CNTNAP5: variants seen among roughly 807,000 people sequenced by gnomAD.
The protein encoded by CNTNAP5 is contactin-associated protein-like 5.
Under a neutral mutation model 150.2 loss-of-function variants are expected in CNTNAP5, and 72 were observed. The observed-to-expected ratio is 0.48, with a 90% CI of 0.40 to 0.58. CNTNAP5 has a LOEUF of 0.58. Ranked by LOEUF, CNTNAP5 falls within the 20% of genes least tolerant of loss-of-function variation. CNTNAP5 has a pLI of 0.00. For missense variants in CNTNAP5, 1,636 were observed against 1,626.2 expected (o/e 1.01, Z -0.10); for synonymous variants, 672 against 619.8 (o/e 1.08, Z -1.25).
At chr2:124,544,743 G>A (rs1477158675) in intron 10 of CNTNAP5, among the ~76,000 whole-genome samples, 1 of 152,164 alleles carries the variant, frequency 6.6e-6, no homozygotes, top group Non-Finnish European at 1.5e-5. Context: ...GCCAGTACTT[G>A]TGGATTTTAC....
At chr2:124,657,607 T>TATATAACA (rs1678486664) in intron 13 of CNTNAP5, among the ~76,000 whole-genome samples, 1 of 152,144 alleles carries the variant, frequency 6.6e-6, no homozygotes, top group Non-Finnish European at 1.5e-5. Flanking sequence ...AAAATTAGAT[T>TATATAACA]ATATAACCAT....
At chr2:124,550,846 G>T (rs1024352361) in intron 10 of CNTNAP5, among the ~76,000 whole-genome samples, 2 of 152,112 alleles carry the variant, frequency 1.3e-5, no homozygotes, top group Non-Finnish European at 2.9e-5. Flanking sequence ...TTTATAGTTT[G>T]GTGGTAGGGG....
chr2:124,138,137 C>A (rs1319776288), intron 1 of CNTNAP5, among the ~76,000 whole-genome samples: 1 of 152,140 alleles, frequency 6.6e-6, no homozygotes, highest in African/African-American at 2.4e-5. Flanking sequence ...GGCCGACCTC[C>A]TCTCCCTCCT....
At chr2:124,529,971 A>G (rs1216134088) in intron 10 of CNTNAP5, among the ~76,000 whole-genome samples, 1 of 152,152 alleles carries the variant, frequency 6.6e-6, no homozygotes, top group Non-Finnish European at 1.5e-5. Context: ...ACATACTTAA[A>G]CGGTATTAGT....
At chr2:124,512,854 C>T (rs1350734220) in intron 8 of CNTNAP5, among the ~76,000 whole-genome samples, 1 of 152,102 alleles carries the variant, frequency 6.6e-6, no homozygotes, top group Non-Finnish European at 1.5e-5. Flanking sequence ...AGATCAACAG[C>T]CATAATGAAT....
At chr2:124,255,589 A>T (rs1027152450) in intron 3 of CNTNAP5, among the ~76,000 whole-genome samples, 25 of 71,368 alleles carry the variant, frequency 3.5e-4, no homozygotes, top group African/African-American at 8.4e-4. Context: ...TAAAATAATA[A>T]TTTTTTTTTA....
intron 14 of CNTNAP5, among the ~76,000 whole-genome samples, chr2:124,752,702 A>G (rs947669552): frequency 2.0e-5 from 3 of 152,210 alleles, no homozygotes; most frequent in Admixed American, 6.5e-5. Context: ...TTCTCTCAAC[A>G]TAATCATTCA....
intron 2 of CNTNAP5, among the ~76,000 whole-genome samples, chr2:124,237,042 T>C (rs1686767505): frequency 1.3e-5 from 2 of 151,748 alleles, no homozygotes; most frequent in African/African-American, 4.8e-5. Context: ...GGCAGGAGAA[T>C]CCCTTGAACC....
intron 3 of CNTNAP5, among the ~76,000 whole-genome samples, chr2:124,271,013 C>T (rs1687736313): frequency 6.6e-6 from 1 of 152,056 alleles, no homozygotes; most frequent in Non-Finnish European, 1.5e-5. Flanking sequence ...TCGATTCTTT[C>T]AGCCCTTGGA....
chr2:124,573,680 G>C lies in CNTNAP5; in HGVS notation c.1756+10357G>C, dbSNP rs114372954. Among the ~76,000 whole-genome samples, 396 of 152,264 alleles carry C rather than the reference G, an allele frequency of 2.6e-3. 1 individual carries two copies. Among genetic ancestry groups the C allele is most frequent in the African/African-American group, 8.7e-3 (362 of 41,550 alleles). On this transcript the variant is annotated intron_variant, in intron 11 of 23. Transcript: ENST00000682447. ...ATTGCCAGAAAAATACAAAGCTCTA[G>C]TATGTCCCATGAGTAAGAAGTTATC...
chr2:124,825,437 A>G (rs1281686211), intron 19 of CNTNAP5, among the ~76,000 whole-genome samples: 1 of 152,226 alleles, frequency 6.6e-6, no homozygotes, highest in African/African-American at 2.4e-5. Context: ...GGTCCCTTAC[A>G]ATAACAAGAC....
intron 1 of CNTNAP5, among the ~76,000 whole-genome samples, chr2:124,090,614 T>C (rs1273042342): frequency 1.3e-5 from 2 of 152,164 alleles, no homozygotes; most frequent in African/African-American, 2.4e-5. Flanking sequence ...TGATAAATAA[T>C]ATAAGACAAT....
intron 19 of CNTNAP5, among the ~76,000 whole-genome samples, chr2:124,821,630 G>C (rs6746819): frequency 2.6e-5 from 4 of 152,136 alleles, no homozygotes; most frequent in African/African-American, 9.7e-5. Flanking sequence ...TGTAGAATAA[G>C]TGAACAGCGA....
chr2:124,506,835 T>A (rs1694416636), intron 8 of CNTNAP5, among the ~76,000 whole-genome samples: 1 of 152,160 alleles, frequency 6.6e-6, no homozygotes, highest in Non-Finnish European at 1.5e-5. Context: ...CACAATTGAA[T>A]TGCCAATGGG....
At chr2:124,913,874 C>T (rs1040867862) in intron 23 of CNTNAP5, among the ~76,000 whole-genome samples, 5 of 152,048 alleles carry the variant, frequency 3.3e-5, no homozygotes, top group South Asian at 2.1e-4. Context: ...AAGTGTCTCT[C>T]GCCCCCAGTT....
At chr2:124,813,474 G>C (rs1682284512) in intron 19 of CNTNAP5, among the ~76,000 whole-genome samples, 1 of 150,716 alleles carries the variant, frequency 6.6e-6, no homozygotes, top group Non-Finnish European at 1.5e-5. Flanking sequence ...GCTGGTTACT[G>C]TATCCTGATG....
intron 7 of CNTNAP5, among the ~76,000 whole-genome samples, chr2:124,478,888 T>A (rs1435092548): frequency 6.6e-6 from 1 of 152,184 alleles, no homozygotes; most frequent in Non-Finnish European, 1.5e-5. Flanking sequence ...CCACGGAAGC[T>A]CCAGCCTTTG....
intron 12 of CNTNAP5, among the ~76,000 whole-genome samples, chr2:124,638,046 C>G (rs1331776470): frequency 6.6e-6 from 1 of 151,716 alleles, no homozygotes; most frequent in Non-Finnish European, 1.5e-5. Flanking sequence ...GTGGGCAGAA[C>G]TAAAATTGTG....
At chr2:124,634,361 T>G (rs187773522) in intron 12 of CNTNAP5, among the ~76,000 whole-genome samples, 1 of 152,152 alleles carries the variant, frequency 6.6e-6, no homozygotes, top group Admixed American at 6.5e-5. Context: ...ACTCTCAAAT[T>G]CAAAATTCCA....
Sources: allele counts gnomAD v4.1 joint callset (sites outside exome capture counted in the v4.1 genomes callset), GRCh38; gene constraint gnomAD v4.1.1; transcripts MANE v1.5; gene names NCBI Gene and HGNC (gene_info 2026-07-23, HGNC 2026-07-21).